The following RBFOX3 variants were observed in gnomAD, a reference collection of about 807,000 sequenced individuals.
RBFOX3 encodes RNA binding fox-1 homolog 3.
A neutral mutation model predicts 48.7 loss-of-function variants in RBFOX3; 17 were observed. The observed-to-expected ratio is 0.35, with a 90% CI of 0.24 to 0.52. RBFOX3 has a LOEUF of 0.52. RBFOX3 is among the 20% of genes least tolerant of loss of function. RBFOX3 has a pLI of 0.94. For synonymous variants in RBFOX3, 212 were observed against 209.5 expected, an observed-to-expected ratio of 1.01 and a Z score of -0.10; for missense variants, 382 against 497.5, an observed-to-expected ratio of 0.77 and a Z score of 2.21.
At chr17:79,336,852 G>A (rs2081271922) in intron 2 of RBFOX3, among the ~76,000 whole-genome samples, 1 of 152,232 alleles carries the variant, frequency 6.6e-6, no homozygotes, top group Non-Finnish European at 1.5e-5. Context: ...GGGTGAGGTG[G>A]CTCACGCCTG....
chr17:79,602,619 A>T (rs2093731029), intron 1 of RBFOX3, among the ~76,000 whole-genome samples: 1 of 152,034 alleles, frequency 6.6e-6, no homozygotes, highest in African/African-American at 2.4e-5. Flanking sequence ...ATGGCATGAC[A>T]TCAATGATAG....
At position 79,295,736 on chromosome 17, in the gene RBFOX3, G is replaced by A. The variant is rs920679762; in HGVS notation, c.-74+11988C>T. Among the ~76,000 whole-genome samples, 6 of 152,246 alleles carry A rather than the reference G, an allele frequency of 3.9e-5. No individual in the cohort carries two copies. The South Asian group carries it at 6.2e-4, about 16-fold the overall frequency. On this transcript the variant is annotated intron_variant, in intron 3 of 14. Transcript: ENST00000693108. The stretch of plus-strand genomic sequence containing the variant: ...CAGCACCCTGTGTCCATCCCACAAG[G>A]ATGGATGAGCCAAGCTGCTCAGGCA...
chr17:79,344,366 G>C (rs1454890870), intron 2 of RBFOX3, among the ~76,000 whole-genome samples: 1 of 151,950 alleles, frequency 6.6e-6, no homozygotes, highest in Non-Finnish European at 1.5e-5. Context: ...CCATTCCCGA[G>C]AGCTTTCAAA....
chr17:79,502,938 A>T (rs1371035887), intron 1 of RBFOX3, among the ~76,000 whole-genome samples: 2 of 151,946 alleles, frequency 1.3e-5, no homozygotes, highest in African/African-American at 4.8e-5. Flanking sequence ...TCAGCTCAGG[A>T]CCCCATAACA....
At chr17:79,150,830 G>C (rs1383979889) in intron 4 of RBFOX3, among the ~76,000 whole-genome samples, 1 of 152,180 alleles carries the variant, frequency 6.6e-6, no homozygotes, top group East Asian at 1.9e-4. Flanking sequence ...TGGGGCCTCA[G>C]GGGGGTCACC....
chr17:79,280,998 G>A (rs987526640), intron 3 of RBFOX3, among the ~76,000 whole-genome samples: 5 of 152,190 alleles, frequency 3.3e-5, no homozygotes, highest in Non-Finnish European at 4.4e-5. Context: ...AGGGGATACT[G>A]AAAGATGATC....
chr17:79,181,672 CCCTCTGCTCCTGGACCAG>C (rs2051976995), intron 4 of RBFOX3, among the ~76,000 whole-genome samples: 1 of 152,120 alleles, frequency 6.6e-6, no homozygotes, highest in South Asian at 2.1e-4. Flanking sequence ...CTGCTGGCCA[CCCTCTGCTCCTGGACCAG>C]CCTCTGCTCC....
In RBFOX3 at chr17:79,212,423, G is replaced by T. The variant is rs1010682886; in HGVS notation, c.-34+23343C>A. Among the ~76,000 whole-genome samples the T allele has an allele frequency of 6.6e-6, 1 of 152,272 alleles. No individual in the cohort carries two copies. The highest frequency in any genetic ancestry group is 1.9e-4 in the East Asian group (1 of 5,174). On this transcript the variant is annotated intron_variant, in intron 4 of 14. Coordinates refer to ENST00000693108, the MANE Select transcript of RBFOX3 (RefSeq NM_001350451.2). The surrounding 1 kb of genome is among the most constrained non-coding windows in gnomAD (Gnocchi z 4.7). ...TGCAGCCGGGCTCCTGGCGCTGCCC[G>T]TTCCCAATTTCTCCTTCCTGTAGGA...
intron 2 of RBFOX3, among the ~76,000 whole-genome samples, chr17:79,328,424 C>T (rs1278592092): frequency 6.6e-6 from 1 of 152,204 alleles, no homozygotes; most frequent in African/African-American, 2.4e-5. Context: ...GCCCCATAGC[C>T]ACTGGCATAT....
chr17:79,269,122 TAG>T (rs34916588), intron 3 of RBFOX3, among the ~76,000 whole-genome samples: 23,471 of 152,088 alleles, frequency 0.15, 2,081 homozygotes, highest in East Asian at 0.2. Context: ...ACACAAAAGA[TAG>T]AGACGTGCAG....
chr17:79,373,657 T>C (rs1284427511), intron 2 of RBFOX3, among the ~76,000 whole-genome samples: 1 of 151,928 alleles, frequency 6.6e-6, no homozygotes, highest in Admixed American at 6.6e-5. Flanking sequence ...GCCAGCATCA[T>C]TTTTATGTGT....
intron 4 of RBFOX3, among the ~76,000 whole-genome samples, chr17:79,201,077 T>C (rs2056678461): frequency 6.6e-6 from 1 of 151,158 alleles, no homozygotes. Context: ...TGTGTCCTTT[T>C]AGCCATCACT....
chr17:79,132,384 C>A (rs1214475081), intron 4 of RBFOX3, among the ~76,000 whole-genome samples: 1 of 152,212 alleles, frequency 6.6e-6, no homozygotes, highest in East Asian at 1.9e-4. Context: ...CGGCCTACAG[C>A]CCTATTCCAT....
intron 4 of RBFOX3, among the ~76,000 whole-genome samples, chr17:79,209,209 C>T (rs1269209408): frequency 1.3e-5 from 2 of 152,244 alleles, no homozygotes; most frequent in Non-Finnish European, 2.9e-5. Context: ...TGGGCCAGCC[C>T]TCCTGCACAA....
In RBFOX3 at chr17:79,480,086, G is replaced by A. The variant is rs113521644; in HGVS notation, c.-175+2368C>T. The stretch of plus-strand genomic sequence containing the variant: ...GGCACACCAGTGCTGCCTTCACAGC[G>A]ACACTGCAGGGAGCCCCAGGACAGA... On this transcript the variant is annotated intron_variant, in intron 2 of 14. Transcript: ENST00000693108. This position sits in a 1 kb window ranked among gnomAD's most constrained non-coding sequence, Gnocchi z 4.8. 3.9e-5 allele frequency among the ~76,000 whole-genome samples: 6 copies of A among 152,306 alleles called. No individual in the cohort carries two copies. The highest frequency in any genetic ancestry group is 2.1e-4 in the South Asian group (1 of 4,828).
Position 79,097,421 on chromosome 17 carries a change from G to A in RBFOX3, c.626C>T (p.Thr209Met), listed in dbSNP as rs1289603702. 1.3e-6 allele frequency: 2 copies of A among 1,544,886 alleles called. No individual in the cohort carries two copies. Among genetic ancestry groups the A allele is most frequent in the African/African-American group, 2.7e-5 (2 of 72,748 alleles). The change falls in exon 11 of 15, where the codon ACG becomes ATG. Residue 209 changes from threonine (T) to methionine (M), a missense_variant. Physicochemically the swap from Thr to Met is moderately conservative, Grantham distance 81. Transcript: ENST00000693108. ...AVYGPEFYAV[T>M]GFPYPTTGTA... ...GCCGGTGGTGGGGTAGGGGAACCCC[G>A]TCACTGCAGGAAACGGGGCCCGAGA...
chr17:79,112,260 C>T (rs1450540278), intron 5 of RBFOX3, among the ~76,000 whole-genome samples: 5 of 152,186 alleles, frequency 3.3e-5, no homozygotes, highest in Non-Finnish European at 1.5e-5. Flanking sequence ...GGTGAGGGAC[C>T]GGTGGCCCCC....
intron 4 of RBFOX3, among the ~76,000 whole-genome samples, chr17:79,182,950 C>T (rs2052445263): frequency 6.6e-6 from 1 of 150,784 alleles, no homozygotes; most frequent in African/African-American, 2.4e-5. Context: ...CCGAGAACCC[C>T]CGCCCCCTCC....
At chr17:79,424,613 C>T (rs982508454) in intron 2 of RBFOX3, among the ~76,000 whole-genome samples, 1 of 152,114 alleles carries the variant, frequency 6.6e-6, no homozygotes, top group Non-Finnish European at 1.5e-5. Flanking sequence ...CCCCCTCCCC[C>T]ACCAGGCTTC....
Sources: allele counts gnomAD v4.1 joint callset (sites outside exome capture counted in the v4.1 genomes callset), GRCh38; gene constraint gnomAD v4.1.1; non-coding constraint Gnocchi (gnomAD v3.1); transcripts MANE v1.5; gene names NCBI Gene and HGNC (gene_info 2026-07-23, HGNC 2026-07-21).